The following FEV variants were observed in gnomAD, a reference collection of about 807,000 sequenced individuals.
FEV encodes the protein FEV transcription factor, ETS family member.
In FEV, 14 loss-of-function variants were observed where a neutral mutation model predicts 20.5. That is an observed-to-expected ratio of 0.68 (90% CI 0.45 to 1.07). The LOEUF (loss-of-function observed/expected upper bound fraction) is 1.07, where lower values mean the gene tolerates loss of function less well. Ranked by LOEUF, FEV falls within the 50% of genes least tolerant of loss-of-function variation. The pLI, the probability that FEV is intolerant of heterozygous loss-of-function variation, is 0.00. For synonymous variants in FEV, 188 were observed against 163.7 expected (o/e 1.15, Z -1.13); for missense variants, 301 against 345.3 (o/e 0.87, Z 1.02).
In FEV at chr2:218,985,082, CG is replaced by C; in HGVS notation, c.-8del. The C allele has an allele frequency of 2.6e-6, 4 of 1,529,584 alleles. No individual in the cohort carries two copies. Among genetic ancestry groups the C allele is most frequent in the East Asian group, 2.5e-5 (1 of 39,682 alleles). 94.8% of individuals were successfully genotyped at this position (1,529,584 alleles called of 1,614,324 possible). Reference sequence around the variant, plus strand: ...AGGCGCCGCTCTGTCTCATCGCCGCCGGGGACTGGGCGGTGGGAGATGGGGG... The same window carrying C: ...AGGCGCCGCTCTGTCTCATCGCCGCCGGGACTGGGCGGTGGGAGATGGGGG... On this transcript the variant is annotated 5_prime_UTR_variant, in exon 1 of 3. Coordinates refer to ENST00000295727, the MANE Select transcript of FEV (RefSeq NM_017521.3).
chr2:218,981,662 C>G lies in FEV; in HGVS notation c.*5G>C. ...GGCGAGGCCGCAGGCACCCGACCGC[C>G]CCGTCTAGTGGTAATGGCCCCCCAA... On this transcript the variant is annotated 3_prime_UTR_variant, in exon 3 of 3. Coordinates refer to ENST00000295727, the MANE Select transcript of FEV (RefSeq NM_017521.3). The surrounding 1 kb of genome is among the most constrained non-coding windows in gnomAD (Gnocchi z 4.5). 1 of 1,307,150 alleles carries G rather than the reference C, an allele frequency of 7.7e-7. No individual in the cohort carries two copies. The highest frequency in any genetic ancestry group is 9.7e-7 in the Non-Finnish European group (1 of 1,033,900). The allele number at this position is 1,307,150 out of a possible 1,614,324, so 81.0% of individuals were successfully genotyped here.
chr2:218,984,438 GCTC>G lies in FEV; in HGVS notation c.53-136_53-134del, dbSNP rs1010261000. The G allele has an allele frequency of 4.7e-5, 38 of 808,540 alleles. No homozygotes were observed. The highest frequency in any genetic ancestry group is 6.2e-5 in the Admixed American group (2 of 32,386). 50.1% of individuals were successfully genotyped at this position (808,540 alleles called of 1,614,324 possible). On this transcript the variant is annotated intron_variant, in intron 1 of 2. Transcript: ENST00000295727. The surrounding 1 kb of genome is among the most constrained non-coding windows in gnomAD (Gnocchi z 5.0). Reference sequence around the variant, plus strand: ...CGAGGCTGGGGGCCCGGGCCACCCGGCTCCTCCTCCCGGAGCCTGGTCCAGGCG... The same window carrying G: ...CGAGGCTGGGGGCCCGGGCCACCCGGCTCCTCCCGGAGCCTGGTCCAGGCG...
In FEV at chr2:218,984,172, G is replaced by T. The variant is rs1945416655; in HGVS notation, c.127+59C>A. On this transcript the variant is annotated intron_variant, in intron 2 of 2. Transcript: ENST00000295727. The surrounding 1 kb of genome is among the most constrained non-coding windows in gnomAD (Gnocchi z 5.0). ...TCCACACTGCTCCCACCTACTGTCC[G>T]CCTGTGCCCTGACCCCAACCAACCT... The T allele has an allele frequency of 1.3e-6, 2 of 1,510,678 alleles. No homozygotes were observed. The highest frequency in any genetic ancestry group is 1.8e-6 in the Non-Finnish European group (2 of 1,112,642). The allele number at this position is 1,510,678 out of a possible 1,614,324, so 93.6% of individuals were successfully genotyped here.
Position 218,984,597 on chromosome 2 carries a change from C to G in FEV, c.53-292G>C. 1 of 398,458 alleles carries G rather than the reference C, an allele frequency of 2.5e-6. No homozygotes were observed. Among genetic ancestry groups the G allele is most frequent in the Non-Finnish European group, 4.5e-6 (1 of 221,518 alleles). 24.7% of individuals were successfully genotyped at this position (398,458 alleles called of 1,614,324 possible). ...GAACTGCGCCAGCCGAGCTGGAGCGCGAAGAGAAGAGGAGGGTGCCTGGAG... is the reference window on the plus strand; with the variant it reads ...GAACTGCGCCAGCCGAGCTGGAGCGGGAAGAGAAGAGGAGGGTGCCTGGAG... On this transcript the variant is annotated intron_variant, in intron 1 of 2. Transcript: ENST00000295727. This position sits in a 1 kb window ranked among gnomAD's most constrained non-coding sequence, Gnocchi z 5.0.
At position 218,982,262 on chromosome 2, in the gene FEV, G is replaced by A; in HGVS notation, c.128-6C>T. ...CAGCTGGATCTGTCCGCTGCCTGTG[G>A]GGAGGGGGGCGGTCAGCCACAGGCG... is the stretch of plus-strand genomic sequence containing the variant. On this transcript the variant is annotated splice_region_variant and splice_polypyrimidine_tract_variant and intron_variant, in intron 2 of 2. Coordinates refer to ENST00000295727, the MANE Select transcript of FEV (RefSeq NM_017521.3). The A allele has an allele frequency of 6.4e-7, 1 of 1,569,266 alleles. No individual in the cohort carries two copies. Among genetic ancestry groups the A allele is most frequent in the Non-Finnish European group, 8.6e-7 (1 of 1,159,012 alleles).
rs565785669 is a variant in FEV, at chr2:218,985,013, G to T, written c.52+11C>A. 1.3e-6 allele frequency: 2 copies of T among 1,553,098 alleles called. No individual in the cohort carries two copies. Among genetic ancestry groups the T allele is most frequent in the Admixed American group, 1.9e-5 (1 of 51,400 alleles). The stretch of plus-strand genomic sequence containing the variant: ...TTCCGGTGCCACCAGCCTCCGGCTG[G>T]TCCCTGGTACCTGGCAGGTACATGT... On this transcript the variant is annotated intron_variant, in intron 1 of 2. Transcript: ENST00000295727.
chr2:218,981,828 C>T lies in FEV; in HGVS notation c.556G>A (p.Gly186Arg), dbSNP rs1456240976. The change falls in exon 3 of 3, where the codon GGG becomes AGG. Residue 186 changes from glycine to arginine, a missense_variant. Transcript: ENST00000295727. The surrounding 1 kb of genome is among the most constrained non-coding windows in gnomAD (Gnocchi z 4.5). ...SKLNLMAASA[G>R]VAPAGFSYWP... The stretch of plus-strand genomic sequence containing the variant: ...TAGGAGAAGCCGGCGGGCGCGACCC[C>T]GGCCGAGGCGGCCATGAGGTTGAGT... 12 of 1,237,322 alleles carry T rather than the reference C, an allele frequency of 9.7e-6. No homozygotes were observed. Among genetic ancestry groups the T allele is most frequent in the Middle Eastern group, 6.0e-4 (2 of 3,306 alleles). The allele number at this position is 1,237,322 out of a possible 1,614,324, so 76.6% of individuals were successfully genotyped here. A position where few individuals can be genotyped will look rare whatever the true frequency, so the allele number is the denominator to read the frequency against.
rs1173228952 is a variant in FEV, at chr2:218,982,273, G to C, written c.128-17C>G. On this transcript the variant is annotated splice_polypyrimidine_tract_variant and intron_variant, in intron 2 of 2. Transcript: ENST00000295727. ...GTCCGCTGCCTGTGGGGAGGGGGGC[G>C]GTCAGCCACAGGCGGGAGCGGGGAG... 5.8e-6 allele frequency: 9 copies of C among 1,555,550 alleles called. No individual in the cohort carries two copies. The highest frequency in any genetic ancestry group is 7.8e-6 in the Non-Finnish European group (9 of 1,152,348).
rs1945383826 is a variant in FEV, at chr2:218,981,516, C to G, written c.*151G>C. 1.8e-6 allele frequency: 1 copy of G among 562,282 alleles called. No homozygotes were observed. The allele number at this position is 562,282 out of a possible 1,614,324, so 34.8% of individuals were successfully genotyped here. ...TACCAGACAAGGATTGAGGGAGCTT[C>G]GGTCCCGTCCCCCTGCTAAGTGCGG... On this transcript the variant is annotated 3_prime_UTR_variant, in exon 3 of 3. Transcript: ENST00000295727. This position sits in a 1 kb window ranked among gnomAD's most constrained non-coding sequence, Gnocchi z 4.5.
Position 218,985,061 on chromosome 2 carries a change from G to A in FEV, c.15C>T (p.Gly5=). 1.9e-6 allele frequency: 3 copies of A among 1,558,676 alleles called. No individual in the cohort carries two copies. The highest frequency in any genetic ancestry group is 1.7e-4 in the Middle Eastern group (1 of 5,986). Residue 5 remains glycine, a synonymous_variant, in exon 1 of 3, where the codon GGC becomes GGT. Coordinates refer to ENST00000295727, the MANE Select transcript of FEV (RefSeq NM_017521.3). MRQS[G]ASQPLLINMY... is the part of the protein sequence containing the mutation. Reference sequence around the variant, plus strand: ...TGTTGATCAGCAGGGGCTGGGAGGCGCCGCTCTGTCTCATCGCCGCCGGGG... The same window carrying A: ...TGTTGATCAGCAGGGGCTGGGAGGCACCGCTCTGTCTCATCGCCGCCGGGG...
rs1945427797 is a variant in FEV, at chr2:218,985,109, G to A, written c.-34C>T. The A allele has an allele frequency of 2.7e-5, 40 of 1,465,362 alleles. No individual in the cohort carries two copies. Among genetic ancestry groups the A allele is most frequent in the Non-Finnish European group, 3.4e-5 (37 of 1,087,654 alleles). 90.8% of individuals were successfully genotyped at this position (1,465,362 alleles called of 1,614,324 possible). ...GGGACTGGGCGGTGGGAGATGGGGG[G>A]GACGGGGAAGGGGGGCGAGGCAGGC... is the stretch of plus-strand genomic sequence containing the variant. On this transcript the variant is annotated 5_prime_UTR_variant, in exon 1 of 3. Transcript: ENST00000295727.
chr2:218,981,831 C>T lies in FEV; in HGVS notation c.553G>A (p.Ala185Thr). Residue 185 changes from alanine to threonine, a missense_variant, in exon 3 of 3, where the codon GCC (alanine) becomes ACC (threonine). By Grantham distance (58) the Ala-to-Thr change is moderately conservative. Transcript: ENST00000295727. This position sits in a 1 kb window ranked among gnomAD's most constrained non-coding sequence, Gnocchi z 4.5. ...LSKLNLMAASAGVAPAGFSYW... is the reference protein window; with the variant it reads ...LSKLNLMAASTGVAPAGFSYW... ...GAGAAGCCGGCGGGCGCGACCCCGGCCGAGGCGGCCATGAGGTTGAGTTTG... is the reference window on the plus strand; with the variant it reads ...GAGAAGCCGGCGGGCGCGACCCCGGTCGAGGCGGCCATGAGGTTGAGTTTG... 2 of 1,237,224 alleles carry T rather than the reference C, an allele frequency of 1.6e-6. No homozygotes were observed. Among genetic ancestry groups the T allele is most frequent in the Non-Finnish European group, 2.0e-6 (2 of 995,068 alleles). The allele number at this position is 1,237,224 out of a possible 1,614,324, so 76.6% of individuals were successfully genotyped here. A position where few individuals can be genotyped will look rare whatever the true frequency, so the allele number is the denominator to read the frequency against.
At position 218,981,934 on chromosome 2, in the gene FEV, G is replaced by A; in HGVS notation, c.450C>T (p.Ala150=). 1 of 1,361,200 alleles carries A rather than the reference G, an allele frequency of 7.3e-7. No individual in the cohort carries two copies. The highest frequency in any genetic ancestry group is 9.4e-7 in the Non-Finnish European group (1 of 1,062,380). The allele number at this position is 1,361,200 out of a possible 1,614,324, so 84.3% of individuals were successfully genotyped here. A position where few individuals can be genotyped will look rare whatever the true frequency, so the allele number is the denominator to read the frequency against. ...CGCCGTCCTGGGCGGCCGCGGCGGC[G>A]GCAGCAGCTGCGGCGGCGGCATGAG... ...AHAHAAAAAA[A]AAAAAQDGAL... Residue 150 remains alanine, a synonymous_variant, in exon 3 of 3, where the codon GCC becomes GCT. Transcript: ENST00000295727. The surrounding 1 kb of genome is among the most constrained non-coding windows in gnomAD (Gnocchi z 4.5).
chr2:218,983,012 G>A (rs957839441), intron 2 of FEV, among the ~76,000 whole-genome samples: 16 of 152,176 alleles, frequency 1.1e-4, no homozygotes, highest in African/African-American at 3.9e-4. Context: ...TCTTATTTTC[G>A]GAACAGGCGG....
Position 218,984,907 on chromosome 2 carries a change from A to G in FEV, c.52+117T>C. 2.1e-6 allele frequency: 2 copies of G among 959,136 alleles called. No homozygotes were observed. Among genetic ancestry groups the G allele is most frequent in the Non-Finnish European group, 3.3e-6 (2 of 612,312 alleles). The allele number at this position is 959,136 out of a possible 1,614,324, so 59.4% of individuals were successfully genotyped here. Reference sequence around the variant, plus strand: ...TACATTACAATCGGCCCTCCATGCAACCCGAATCTCCGGACACTTCTCCTT... The same window carrying G: ...TACATTACAATCGGCCCTCCATGCAGCCCGAATCTCCGGACACTTCTCCTT... On this transcript the variant is annotated intron_variant, in intron 1 of 2. Transcript: ENST00000295727. This position sits in a 1 kb window ranked among gnomAD's most constrained non-coding sequence, Gnocchi z 5.0.
intron 2 of FEV, 71 bp from the exon 3 acceptor site, chr2:218,982,327 A>C (rs1945397972): frequency 7.4e-7 from 1 of 1,360,508 alleles, no homozygotes; most frequent in Admixed American, 2.2e-5. Context: ...TGCTGGCGGG[A>C]AACTGACCCA....
Position 218,984,658 on chromosome 2 carries a change from C to T in FEV, c.53-353G>A, listed in dbSNP as rs953813402. ...AAGCTCGTAGCAGGAAGGTGAGGAG[C>T]CGTGAGAGCGCAGGGGAGACGCCCG... On this transcript the variant is annotated intron_variant, in intron 1 of 2. Transcript: ENST00000295727. This position sits in a 1 kb window ranked among gnomAD's most constrained non-coding sequence, Gnocchi z 5.0. Among the ~76,000 whole-genome samples, 8 of 152,288 alleles carry T rather than the reference C, an allele frequency of 5.3e-5. No individual in the cohort carries two copies. In the East Asian group the frequency reaches 1.5e-3, roughly 29 times the overall value.
In FEV at chr2:218,982,186, G is replaced by A. The variant is rs1574487346; in HGVS notation, c.198C>T (p.Ile66=). The part of the protein sequence containing the change: ...LLADRANAGC[I]AWEGGHGEFK... ...ACTCGCCGTGACCGCCCTCCCACGC[G>A]ATGCAGCCGGCGTTCGCGCGGTCAG... The change falls in exon 3 of 3, where the codon ATC becomes ATT. Residue 66 remains isoleucine (I), a synonymous_variant. Coordinates refer to ENST00000295727, the MANE Select transcript of FEV (RefSeq NM_017521.3). 6.2e-7 allele frequency: 1 copy of A among 1,611,852 alleles called. No individual in the cohort carries two copies. Among genetic ancestry groups the A allele is most frequent in the South Asian group, 1.1e-5 (1 of 90,928 alleles).
At chr2:218,982,879 C>A (rs557822808) in intron 2 of FEV, among the ~76,000 whole-genome samples, 20 of 152,342 alleles carry the variant, frequency 1.3e-4, no homozygotes, top group Non-Finnish European at 1.8e-4. Flanking sequence ...GACACCACAT[C>A]CGACAGGAGT....
Sources: gnomAD v4.1 joint callset for allele counts (sites outside exome capture counted in the v4.1 genomes callset) on GRCh38, gnomAD v4.1.1 for gene constraint, Gnocchi (gnomAD v3.1) non-coding constraint, MANE v1.5 for transcripts, NCBI Gene and HGNC (gene_info 2026-07-23, HGNC 2026-07-21) for gene names.